Variants in EXOC4 observed in about 807,000 individuals in gnomAD.
The protein encoded by EXOC4 is exocyst complex component 4.
In EXOC4, 71 loss-of-function variants were observed where a neutral mutation model predicts 107.2. The observed-to-expected ratio is 0.66, with a 90% CI of 0.55 to 0.81. The LOEUF is 0.81. EXOC4 is among the 30% of genes least tolerant of loss of function. The pLI, the probability that EXOC4 is intolerant of heterozygous loss-of-function variation, is 0.00. For missense variants in EXOC4, 1,108 were observed against 1,189.6 expected (o/e 0.93, Z 1.01); for synonymous variants, 456 against 441.2 (o/e 1.03, Z -0.42).
At chr7:133,568,324 G>C (rs531035314) in intron 9 of EXOC4, among the ~76,000 whole-genome samples, 2 of 151,094 alleles carry the variant, frequency 1.3e-5, no homozygotes, top group Admixed American at 6.6e-5. Flanking sequence ...GCTTTCCTTA[G>C]CATAATTTTT....
At chr7:134,044,199 A>G (rs1443263228) in intron 17 of EXOC4, among the ~76,000 whole-genome samples, 2 of 152,166 alleles carry the variant, frequency 1.3e-5, no homozygotes, top group South Asian at 2.1e-4. Flanking sequence ...CTCCACCAAT[A>G]TCCAGGTCAT....
intron 7 of EXOC4, among the ~76,000 whole-genome samples, chr7:133,450,000 A>G (rs1032647089): frequency 3.3e-5 from 5 of 151,530 alleles, no homozygotes; most frequent in Non-Finnish European, 7.4e-5. Flanking sequence ...CTTCCTTACA[A>G]TTCTTCTCTT....
intron 12 of EXOC4, among the ~76,000 whole-genome samples, chr7:133,899,961 G>A (rs998620806): frequency 2.6e-5 from 4 of 151,982 alleles, no homozygotes; most frequent in African/African-American, 9.7e-5. Context: ...TGGCCAGGCT[G>A]GTCTCGATCG....
chr7:134,093,500 G>A, the EXOC4 span, among the ~76,000 whole-genome samples: 6 of 152,184 alleles, frequency 3.9e-5, no homozygotes, highest in African/African-American at 1.4e-4. Flanking sequence ...CCCACTAACA[G>A]CATTACACAG....
chr7:133,516,946 A>T (rs1343386755), intron 9 of EXOC4, among the ~76,000 whole-genome samples: 1 of 151,700 alleles, frequency 6.6e-6, no homozygotes, highest in African/African-American at 2.4e-5. Flanking sequence ...TATACCATTT[A>T]TACACATCCA....
intron 12 of EXOC4, among the ~76,000 whole-genome samples, chr7:133,899,990 A>T (rs1221182862): frequency 6.6e-6 from 1 of 151,886 alleles, no homozygotes. Context: ...GCCTCAAGCG[A>T]TTCTCCCACC....
intron 9 of EXOC4, chr7:133,576,571 T>G: frequency 1.6e-6 from 2 of 1,289,810 alleles, no homozygotes; most frequent in Middle Eastern, 2.1e-4. Flanking sequence ...AGGATCCCAA[T>G]AATCCCAGAT....
At chr7:133,978,110 C>T (rs1047662624) in intron 14 of EXOC4, among the ~76,000 whole-genome samples, 26 of 152,200 alleles carry the variant, frequency 1.7e-4, no homozygotes, top group Admixed American at 3.3e-4. Context: ...AACCCAGGTT[C>T]AAATGAGGCA....
chr7:133,652,357 G>A (rs1473029806), intron 10 of EXOC4, among the ~76,000 whole-genome samples: 1 of 151,938 alleles, frequency 6.6e-6, no homozygotes, highest in African/African-American at 2.4e-5. Context: ...TGTTGTTATT[G>A]TTCTTAAAGA....
intron 1 of EXOC4, among the ~76,000 whole-genome samples, chr7:133,262,578 G>T (rs1424885078): frequency 6.6e-6 from 1 of 152,140 alleles, no homozygotes; most frequent in Non-Finnish European, 1.5e-5. Context: ...TATAATTAAA[G>T]TGTTTTTCCA....
intron 9 of EXOC4, among the ~76,000 whole-genome samples, chr7:133,600,593 A>G (rs1320245656): frequency 1.3e-5 from 2 of 152,194 alleles, no homozygotes; most frequent in African/African-American, 2.4e-5. Flanking sequence ...CATTCAGAAA[A>G]TAATTCAGCA....
chr7:133,552,174 G>A (rs1476930799), intron 9 of EXOC4, among the ~76,000 whole-genome samples: 10 of 152,068 alleles, frequency 6.6e-5, no homozygotes, highest in African/African-American at 2.4e-4. Context: ...AAGAACCTTT[G>A]ATTTCAGAAA....
intron 9 of EXOC4, among the ~76,000 whole-genome samples, chr7:133,607,757 G>A (rs749420497): frequency 1.2e-4 from 18 of 152,208 alleles, no homozygotes; most frequent in Non-Finnish European, 1.5e-4. Flanking sequence ...AAGTAGAAGT[G>A]CGGGTTATTA....
intron 9 of EXOC4, among the ~76,000 whole-genome samples, chr7:133,567,332 T>C (rs1001472414): frequency 7.2e-5 from 11 of 152,096 alleles, no homozygotes; most frequent in African/African-American, 2.2e-4. Flanking sequence ...CATTTTTTTT[T>C]CATTTTGTAT....
chr7:134,098,105 G>A, the EXOC4 span, among the ~76,000 whole-genome samples: 1 of 152,184 alleles, frequency 6.6e-6, no homozygotes, highest in South Asian at 2.1e-4. Context: ...AGCACCTGAT[G>A]TTCTTTTCAA....
chr7:133,822,822 G>C (rs1245822297), intron 11 of EXOC4, among the ~76,000 whole-genome samples: 2 of 152,182 alleles, frequency 1.3e-5, no homozygotes, highest in Admixed American at 1.3e-4. Flanking sequence ...ATGATACCCA[G>C]CGTGAAGTTA....
chr7:133,475,192 G>A (rs1048089726), intron 7 of EXOC4, 136 bp from the exon 8 acceptor site: 1 of 693,254 alleles, frequency 1.4e-6, no homozygotes, highest in South Asian at 2.3e-5. Flanking sequence ...TCCCCAACTT[G>A]GAAAATGAAT....
At chr7:133,819,277 C>CTTTTTTTTT (rs59308684) in intron 11 of EXOC4, among the ~76,000 whole-genome samples, 1 of 142,752 alleles carries the variant, frequency 7.0e-6, no homozygotes, top group African/African-American at 2.6e-5. Context: ...AAATGGAATA[C>CTTTTTTTTT]TTTTTTTTTT....
rs1476237752 is a variant in EXOC4, at chr7:133,612,608, C to T, written c.1418-17437C>T. On this transcript the variant is annotated intron_variant, in intron 9 of 17. Coordinates refer to ENST00000253861, the MANE Select transcript of EXOC4 (RefSeq NM_021807.4). ...TAACTGGATTAGGCATGTATTTTAACAGTATCACTCTGGCATGTATGACAG... is the reference window on the plus strand; with the variant it reads ...TAACTGGATTAGGCATGTATTTTAATAGTATCACTCTGGCATGTATGACAG... Among the ~76,000 whole-genome samples the T allele has an allele frequency of 2.0e-5, 3 of 152,150 alleles. No individual in the cohort carries two copies. The East Asian group carries it at 5.8e-4, about 29-fold the overall frequency.
Sources: allele counts gnomAD v4.1 joint callset (sites outside exome capture counted in the v4.1 genomes callset), GRCh38; gene constraint gnomAD v4.1.1; transcripts MANE v1.5; gene names NCBI Gene and HGNC (gene_info 2026-07-23, HGNC 2026-07-21).